TMEM217: variants seen among roughly 807,000 people sequenced by gnomAD.
TMEM217 encodes the protein chromosome 6 open reading frame 128.
For synonymous variants in TMEM217, 76 were observed against 88.3 expected, an observed-to-expected ratio of 0.86 and a Z score of 0.78; for missense variants, 204 against 248.8, an observed-to-expected ratio of 0.82 and a Z score of 1.21.
At chr6:37,246,443 C>T (rs958960277) in intron 1 of TMEM217, among the ~76,000 whole-genome samples, 6 of 152,150 alleles carry the variant, frequency 3.9e-5, no homozygotes, top group African/African-American at 1.4e-4. Flanking sequence ...GTTACTTTTG[C>T]TCACATTCCA....
At chr6:37,232,515 A>G (rs185893955) in intron 1 of TMEM217, among the ~76,000 whole-genome samples, 13 of 152,250 alleles carry the variant, frequency 8.5e-5, no homozygotes, top group Admixed American at 8.5e-4. Flanking sequence ...CCTCCTGACA[A>G]TAGTTTTATA....
intron 1 of TMEM217, among the ~76,000 whole-genome samples, chr6:37,227,778 C>T (rs1233882628): frequency 1.3e-5 from 2 of 151,564 alleles, no homozygotes; most frequent in Non-Finnish European, 2.9e-5. Flanking sequence ...TTATCTTTAT[C>T]ATTATTACAT....
chr6:37,257,871 C>G, exon 1 of TMEM217: 1 of 1,599,300 alleles, frequency 6.3e-7, no homozygotes, highest in Non-Finnish European at 8.5e-7. Flanking sequence ...GGCATCTCGC[C>G]GGGCAAACCC....
chr6:37,225,840 G>A (rs867933503), intron 1 of TMEM217, among the ~76,000 whole-genome samples: 1 of 152,200 alleles, frequency 6.6e-6, no homozygotes. Flanking sequence ...CCACTTTACA[G>A]TCTTGCTCAT....
exon 4 of TMEM217, chr6:37,212,467 A>G: frequency 2.2e-6 from 1 of 451,736 alleles, no homozygotes; most frequent in Non-Finnish European, 4.5e-6. Flanking sequence ...TCATGAGTTC[A>G]CTGCAATGGT....
chr6:37,249,104 G>T (rs539603447), intron 1 of TMEM217, among the ~76,000 whole-genome samples: 143 of 152,240 alleles, frequency 9.4e-4, no homozygotes, highest in African/African-American at 3.0e-3. Flanking sequence ...AGTCCAAGAT[G>T]ATCTCATCTC....
chr6:37,222,638 C>T (rs1482668488), intron 1 of TMEM217, among the ~76,000 whole-genome samples: 1 of 152,258 alleles, frequency 6.6e-6, no homozygotes, highest in African/African-American at 2.4e-5. Flanking sequence ...CAGATCCTGC[C>T]TATTCCCGGC....
downstream of TMEM217, among the ~76,000 whole-genome samples, chr6:37,217,414 T>C (rs1377959993): frequency 5.3e-5 from 8 of 152,240 alleles, no homozygotes; most frequent in Non-Finnish European, 4.4e-5. Flanking sequence ...TCATAAACAA[T>C]AATTTACTTT....
chr6:37,239,904 A>G lies in TMEM217; in HGVS notation c.-12+17664T>C, dbSNP rs1052151034. On this transcript the variant is annotated intron_variant, in intron 1 of 1. Transcript: ENST00000357219. ...ACCCCAGCTCATTAAAAAAAAAAAA[A>G]AAGAAGAATGCATTTGGCTGCAAGG... 1.4e-4 allele frequency among the ~76,000 whole-genome samples: 21 copies of G among 152,000 alleles called. No individual in the cohort carries two copies. In the South Asian group the frequency reaches 2.9e-3, roughly 21 times the overall value.
chr6:37,244,261 GT>G (rs1278135878), intron 1 of TMEM217, among the ~76,000 whole-genome samples: 5 of 152,230 alleles, frequency 3.3e-5, no homozygotes, highest in African/African-American at 1.2e-4. Flanking sequence ...GAATCTGGAG[GT>G]TAGAAGCAAG....
intron 1 of TMEM217, among the ~76,000 whole-genome samples, chr6:37,232,682 T>C (rs1764270681): frequency 6.6e-6 from 1 of 152,224 alleles, no homozygotes; most frequent in Admixed American, 6.5e-5. Context: ...ACTCCCTTCC[T>C]TTGTTACAAA....
At chr6:37,215,228 G>C (rs1763118439), downstream of TMEM217, 2 of 1,613,856 alleles carry the variant, frequency 1.2e-6, no homozygotes, top group Non-Finnish European at 8.5e-7. Context: ...ATCTACAGGT[G>C]CTGGGGGCTG....
At chr6:37,219,978 GA>G (rs1002396487) in intron 1 of TMEM217, among the ~76,000 whole-genome samples, 4 of 152,116 alleles carry the variant, frequency 2.6e-5, no homozygotes, top group Admixed American at 1.3e-4. Flanking sequence ...TACTTTAAAG[GA>G]AATTTAGAGC....
At chr6:37,226,590 C>A (rs930937247) in intron 1 of TMEM217, among the ~76,000 whole-genome samples, 1 of 150,946 alleles carries the variant, frequency 6.6e-6, no homozygotes, top group Non-Finnish European at 1.5e-5. Flanking sequence ...AGCCACTGCG[C>A]CCGGCCGAGA....
At chr6:37,247,628 C>T (rs1342606237) in intron 1 of TMEM217, among the ~76,000 whole-genome samples, 1 of 152,112 alleles carries the variant, frequency 6.6e-6, no homozygotes, top group African/African-American at 2.4e-5. Context: ...CCTCGTGATT[C>T]ACCCACTTCG....
intron 1 of TMEM217, among the ~76,000 whole-genome samples, chr6:37,234,810 A>G (rs570798319): frequency 1.1e-4 from 17 of 152,336 alleles, no homozygotes; most frequent in Admixed American, 9.1e-4. Flanking sequence ...GAGGGGAAAT[A>G]GAAGAACTGA....
Position 37,218,931 on chromosome 6 carries a change from G to A in TMEM217, c.100C>T (p.Gln34Ter). The change falls in exon 2 of 2, where the codon CAG becomes TAG. Residue 34 changes from glutamine (Q) to a stop codon, truncating the protein, a stop_gained. Coordinates refer to ENST00000357219, the Ensembl canonical transcript of TMEM217. LOFTEE classifies it low-confidence loss of function (END_TRUNC). ...CAACTGCCATTCCCTAGGTGCTTCT[G>A]TTCAAAGATGAGATACATGTCTACG... 6.2e-7 allele frequency: 1 copy of A among 1,614,176 alleles called. No individual in the cohort carries two copies.
chr6:37,252,539 T>C (rs1765460190), intron 1 of TMEM217, among the ~76,000 whole-genome samples: 2 of 151,034 alleles, frequency 1.3e-5, no homozygotes, highest in South Asian at 4.2e-4. Flanking sequence ...TATGTCAACA[T>C]GTATATGTTG....
chr6:37,242,736 T>TCG, intron 1 of TMEM217, among the ~76,000 whole-genome samples: 1 of 152,342 alleles, frequency 6.6e-6, no homozygotes, highest in Non-Finnish European at 1.5e-5. Flanking sequence ...CTTCACCTGC[T>TCG]CATCTCTCAA....
Sources: allele counts gnomAD v4.1 joint callset (sites outside exome capture counted in the v4.1 genomes callset), GRCh38; gene constraint gnomAD v4.1.1; transcripts MANE v1.5; gene names NCBI Gene and HGNC (gene_info 2026-07-23, HGNC 2026-07-21).